The following SLC2A9 variants were observed in gnomAD, a reference collection of about 807,000 sequenced individuals.
The protein encoded by SLC2A9 is solute carrier family 2, facilitated glucose transporter member 9.
SLC2A9 carries 39 observed loss-of-function variants against 50.6 expected under a neutral mutation model. The observed-to-expected ratio is 0.77, with a 90% CI of 0.60 to 1.01. The LOEUF (loss-of-function observed/expected upper bound fraction) is 1.01. SLC2A9 is among the 50% of genes least tolerant of loss of function. SLC2A9 has a pLI of 0.00. For synonymous variants in SLC2A9, 324 were observed against 276.9 expected (o/e 1.17, Z -1.69); for missense variants, 686 against 677.6 (o/e 1.01, Z -0.14).
chr4:9,957,479 G>A (rs1274252599), intron 5 of SLC2A9, among the ~76,000 whole-genome samples: 1 of 152,080 alleles, frequency 6.6e-6, no homozygotes, highest in Non-Finnish European at 1.5e-5. Flanking sequence ...CTAACACAAA[G>A]GAGAAAGGCA....
At chr4:9,802,585 G>C (rs1216496763) in intron 3 of SLC2A9, among the ~76,000 whole-genome samples, 1 of 146,194 alleles carries the variant, frequency 6.8e-6, no homozygotes, top group South Asian at 2.2e-4. Flanking sequence ...TTTTGAGATG[G>C]AGTTTCACTC....
chr4:9,826,162 C>T (rs1725095246), downstream of SLC2A9: 1 of 537,792 alleles, frequency 1.9e-6, no homozygotes, highest in Non-Finnish European at 3.3e-6. Context: ...AGAGTGATTC[C>T]TTGCAGCTTC....
intron 3 of SLC2A9, among the ~76,000 whole-genome samples, chr4:9,800,095 G>A (rs1721188287): frequency 6.6e-6 from 1 of 152,042 alleles, no homozygotes; most frequent in African/African-American, 2.4e-5. Flanking sequence ...AATAGAGAGG[G>A]TCCAGGACTT....
At chr4:10,025,813 A>T (rs1763730257), upstream of SLC2A9, 1 of 1,254,872 alleles carries the variant, frequency 8.0e-7, no homozygotes, top group Non-Finnish European at 1.2e-6. Flanking sequence ...CTTCACCTTA[A>T]CAGCCTCCCA....
chr4:9,857,657 C>T (rs1326239401), intron 10 of SLC2A9, among the ~76,000 whole-genome samples: 1 of 152,224 alleles, frequency 6.6e-6, no homozygotes, highest in Admixed American at 6.5e-5. Context: ...TGTCTTCCCC[C>T]ACAGTCTCCC....
chr4:9,821,897 T>G (rs1724452293), downstream of SLC2A9, among the ~76,000 whole-genome samples: 1 of 152,216 alleles, frequency 6.6e-6, no homozygotes, highest in Non-Finnish European at 1.5e-5. Flanking sequence ...AGCTAAGAAT[T>G]CTGCTTATTT....
chr4:9,906,923 G>A (rs1740790069), intron 8 of SLC2A9, among the ~76,000 whole-genome samples: 1 of 152,258 alleles, frequency 6.6e-6, no homozygotes, highest in African/African-American at 2.4e-5. Context: ...GAAAGGGAAA[G>A]AGACAAAACA....
At chr4:9,852,629 A>C (rs895018910) in intron 10 of SLC2A9, among the ~76,000 whole-genome samples, 5 of 152,206 alleles carry the variant, frequency 3.3e-5, no homozygotes, top group African/African-American at 1.2e-4. Flanking sequence ...ACAAAGGAGA[A>C]ATAAGATGCT....
intron 2 of SLC2A9, among the ~76,000 whole-genome samples, chr4:9,999,921 A>C (rs1192655984): frequency 6.6e-6 from 1 of 152,124 alleles, no homozygotes; most frequent in Non-Finnish European, 1.5e-5. Flanking sequence ...ATATTTTGAG[A>C]GTAGAATAGG....
In SLC2A9 at chr4:9,972,964, C is replaced by T. The variant is rs1024330324; in HGVS notation, c.681+7628G>A. Among the ~76,000 whole-genome samples, 8 of 151,968 alleles carry T rather than the reference C, an allele frequency of 5.3e-5. No homozygotes were observed. In the South Asian group the frequency reaches 6.2e-4, roughly 12 times the overall value. ...GCTATAAAATCAGAACAGAACAGAA[C>T]AAAATTGAGATCCAAAATCCATACA... is the stretch of plus-strand genomic sequence containing the variant. On this transcript the variant is annotated intron_variant, in intron 5 of 11. Coordinates refer to ENST00000264784, the MANE Select transcript of SLC2A9 (RefSeq NM_020041.3).
chr4:9,972,488 C>A (rs1438968313), intron 5 of SLC2A9, among the ~76,000 whole-genome samples: 1 of 152,158 alleles, frequency 6.6e-6, no homozygotes, highest in African/African-American at 2.4e-5. Context: ...ATTTATTTCC[C>A]TTTCTTGCCT....
intron 8 of SLC2A9, among the ~76,000 whole-genome samples, chr4:9,898,729 T>C (rs543824405): frequency 1.3e-5 from 2 of 152,190 alleles, no homozygotes; most frequent in Non-Finnish European, 2.9e-5. Context: ...TGTGGACTGA[T>C]TGTGCGCAGG....
intron 3 of SLC2A9, among the ~76,000 whole-genome samples, chr4:9,790,202 T>A (rs1719723964): frequency 6.6e-6 from 1 of 152,214 alleles, no homozygotes; most frequent in Non-Finnish European, 1.5e-5. Flanking sequence ...GGAGAGCTCC[T>A]TCATGTATAT....
chr4:9,879,025 A>G, intron 10 of SLC2A9: 1 of 985,218 alleles, frequency 1.0e-6, no homozygotes, highest in Non-Finnish European at 1.2e-6. Context: ...TGAATTCATG[A>G]AAAATACAAG....
chr4:9,924,068 C>G (rs938554), intron 6 of SLC2A9: 109,070 of 151,958 alleles, frequency 0.72, 40,028 homozygotes, highest in East Asian at 0.98. Flanking sequence ...AGTTCTGAGA[C>G]CCCTGAAGGT....
intron 2 of SLC2A9, chr4:10,009,788 C>T (rs1761448446): frequency 6.6e-6 from 1 of 152,234 alleles, no homozygotes; most frequent in African/African-American, 2.4e-5. Context: ...AGTTCTCATT[C>T]ATTCTTTCTC....
At chr4:10,019,180 T>G in intron 1 of SLC2A9, 107 bp from the exon 2 acceptor site, 1 of 897,030 alleles carries the variant, frequency 1.1e-6, no homozygotes, top group Non-Finnish European at 1.8e-6. Context: ...GGAGGAGAAG[T>G]CTTTGTCCTT....
chr4:9,893,334 G>GT (rs1737889115), intron 8 of SLC2A9, among the ~76,000 whole-genome samples: 3 of 151,358 alleles, frequency 2.0e-5, no homozygotes, highest in Admixed American at 2.0e-4. Context: ...CAGGTGTGGC[G>GT]TAAGTGTTTG....
Position 10,021,310 on chromosome 4 carries a change from C to T in SLC2A9, c.120G>A (p.Arg40=). 6.2e-7 allele frequency: 1 copy of T among 1,614,112 alleles called. No homozygotes were observed. Among genetic ancestry groups the T allele is most frequent in the Non-Finnish European group, 8.5e-7 (1 of 1,180,046 alleles). ...TTCTCCTTCCACCTGGCACCCCACT[C>T]CTCAGGTGGTCACACTCCAGCAGTG... is the stretch of plus-strand genomic sequence containing the variant. ...GRALLECDHL[R]SGVPGGRRRK... Residue 40 remains arginine, a synonymous_variant, in exon 1 of 12, where the codon AGG becomes AGA. Transcript: ENST00000264784.
Sources: allele counts gnomAD v4.1 joint callset (sites outside exome capture counted in the v4.1 genomes callset), GRCh38; gene constraint gnomAD v4.1.1; transcripts MANE v1.5; gene names NCBI Gene and HGNC (gene_info 2026-07-23, HGNC 2026-07-21).